The following PPP2R5E variants were observed in gnomAD, a reference collection of about 807,000 sequenced individuals.
PPP2R5E encodes the protein protein phosphatase 2 regulatory subunit B'epsilon.
In PPP2R5E, 4 loss-of-function variants were observed where a neutral mutation model predicts 65.3. The observed-to-expected ratio is 0.06, with a 90% CI of 0.03 to 0.14. The LOEUF (loss-of-function observed/expected upper bound fraction) is 0.14, where lower values mean the gene tolerates loss of function less well. Ranked by LOEUF, PPP2R5E falls within the 10% of genes least tolerant of loss-of-function variation. The probability of loss-of-function intolerance (pLI) is 1.00; values close to 1 mark genes in which losing one functional copy is unlikely to be tolerated. For synonymous variants in PPP2R5E, 183 were observed against 187.4 expected, an observed-to-expected ratio of 0.98 and a Z score of 0.19; for missense variants, 274 against 556.1, an observed-to-expected ratio of 0.49 and a Z score of 5.10.
intron 3 of PPP2R5E, among the ~76,000 whole-genome samples, chr14:63,432,771 T>C (rs1887744812): frequency 6.6e-6 from 1 of 152,026 alleles, no homozygotes. Flanking sequence ...ACTAGTATAA[T>C]CAAGTTAATA....
At position 63,395,233 on chromosome 14, in the gene PPP2R5E, A is replaced by G. The variant is rs748678007; in HGVS notation, c.733T>C (p.Leu245=). 3.1e-6 allele frequency: 5 copies of G among 1,610,072 alleles called. No individual in the cohort carries two copies. In the Admixed American group the frequency reaches 5.0e-5, roughly 16 times the overall value. Residue 245 remains leucine (L), a synonymous_variant, in exon 7 of 14, where the codon TTA becomes CTA. Transcript: ENST00000337537. ...TAGAAAAACCGTGCTCACCTTCCTA[A>G]TATTTCCAGCAGTTCAGCTACACCA... is the stretch of plus-strand genomic sequence containing the variant. ...FNGVAELLEI[L]GSIINGFALP...
At chr14:63,421,243 T>C (rs1342173172) in intron 4 of PPP2R5E, among the ~76,000 whole-genome samples, 1 of 152,038 alleles carries the variant, frequency 6.6e-6, no homozygotes, top group African/African-American at 2.4e-5. Flanking sequence ...AAGGGTGACT[T>C]TGGGGTTCAA....
At chr14:63,429,669 GTTTT>G (rs1376506202) in intron 3 of PPP2R5E, among the ~76,000 whole-genome samples, 1 of 150,824 alleles carries the variant, frequency 6.6e-6, no homozygotes. Flanking sequence ...TTGTTTGTTT[GTTTT>G]TGTTTTTTGT....
At chr14:63,394,194 G>A (rs1885198899) in intron 7 of PPP2R5E, among the ~76,000 whole-genome samples, 1 of 147,046 alleles carries the variant, frequency 6.8e-6, no homozygotes, top group Admixed American at 7.1e-5. Context: ...CTATTCCTAT[G>A]CCTCAGGCCT....
intron 2 of PPP2R5E, among the ~76,000 whole-genome samples, chr14:63,469,661 T>C (rs1359698971): frequency 2.0e-5 from 3 of 152,138 alleles, no homozygotes; most frequent in Admixed American, 2.0e-4. Context: ...GCCACTGCAC[T>C]CCAGCCTGGG....
intron 5 of PPP2R5E, among the ~76,000 whole-genome samples, chr14:63,400,519 AG>A (rs1292526877): frequency 6.6e-6 from 1 of 152,180 alleles, no homozygotes; most frequent in African/African-American, 2.4e-5. Context: ...CTGCCCATTC[AG>A]CAATACAATA....
chr14:63,522,472 C>T lies in PPP2R5E; in HGVS notation c.157+17057G>A, dbSNP rs565569531. 6.4e-3 allele frequency among the ~76,000 whole-genome samples: 959 copies of T among 150,610 alleles called. 9 individuals are homozygous for T. The highest frequency in any genetic ancestry group is 0.023 in the African/African-American group (925 of 40,818). ...CTGGAAAGTGAGGAGCGTCTCTGCC[C>T]GGCCGCCATCCCATCTAGGAAGTGA... On this transcript the variant is annotated intron_variant, in intron 2 of 13. Coordinates refer to ENST00000337537, the MANE Select transcript of PPP2R5E (RefSeq NM_006246.5).
Position 63,424,184 on chromosome 14 carries a change from G to T in PPP2R5E, c.355-2090C>A, listed in dbSNP as rs918747210. Reference sequence around the variant, plus strand: ...ATATGATGTGAAAGAACTAATTAAGGACAAGACATAGATCTGAGGCCATTA... The same window carrying T: ...ATATGATGTGAAAGAACTAATTAAGTACAAGACATAGATCTGAGGCCATTA... On this transcript the variant is annotated intron_variant, in intron 3 of 13. Transcript: ENST00000337537. Among the ~76,000 whole-genome samples, 3 of 152,188 alleles carry T rather than the reference G, an allele frequency of 2.0e-5. No individual in the cohort carries two copies. The South Asian group carries it at 6.2e-4, about 31-fold the overall frequency.
rs74062903 is a variant in PPP2R5E, at chr14:63,454,836, T to A, written c.158-951A>T. Among the ~76,000 whole-genome samples the A allele has an allele frequency of 2.7e-3, 408 of 152,296 alleles. 1 individual carries two copies. Among genetic ancestry groups the A allele is most frequent in the African/African-American group, 9.4e-3 (392 of 41,554 alleles). On this transcript the variant is annotated intron_variant, in intron 2 of 13. Transcript: ENST00000337537. ...ATAACCAGGGTAGGCTCTACTGCCTTCATCCAAGGTGATTAGCTCATTAAT... is the reference window on the plus strand; with the variant it reads ...ATAACCAGGGTAGGCTCTACTGCCTACATCCAAGGTGATTAGCTCATTAAT...
At chr14:63,484,201 A>G (rs189034664) in intron 2 of PPP2R5E, among the ~76,000 whole-genome samples, 17 of 152,214 alleles carry the variant, frequency 1.1e-4, no homozygotes, top group Admixed American at 8.5e-4. Flanking sequence ...TGTGAAAGGG[A>G]CCGGACCAAG....
At chr14:63,511,595 A>T (rs570753060) in intron 2 of PPP2R5E, among the ~76,000 whole-genome samples, 13 of 152,318 alleles carry the variant, frequency 8.5e-5, no homozygotes, top group African/African-American at 3.1e-4. Context: ...TTATCCCCCA[A>T]ATCGAATGCA....
chr14:63,377,808 T>C (rs140147523), intron 13 of PPP2R5E, among the ~76,000 whole-genome samples: 1 of 152,344 alleles, frequency 6.6e-6, no homozygotes, highest in East Asian at 1.9e-4. Context: ...ATTGCACTTA[T>C]AGGACAATAA....
chr14:63,509,906 C>G (rs536958422), intron 2 of PPP2R5E, among the ~76,000 whole-genome samples: 1 of 152,128 alleles, frequency 6.6e-6, no homozygotes, highest in Non-Finnish European at 1.5e-5. Context: ...TGGGAGCTTG[C>G]AGGAATTTCA....
intron 2 of PPP2R5E, among the ~76,000 whole-genome samples, chr14:63,514,700 G>A (rs1235774378): frequency 6.6e-6 from 1 of 152,124 alleles, no homozygotes; most frequent in Non-Finnish European, 1.5e-5. Context: ...CACTATCCTA[G>A]ACAGCAAGAA....
chr14:63,508,315 T>G (rs1892308986), intron 2 of PPP2R5E: 2 of 637,640 alleles, frequency 3.1e-6, no homozygotes, highest in Non-Finnish European at 3.9e-6. Context: ...CACTCTTTGT[T>G]CTGTCACTCT....
In PPP2R5E at chr14:63,379,751, G is replaced by T. The variant is rs76505618; in HGVS notation, c.1304+2305C>A. Among the ~76,000 whole-genome samples, 1,000 of 144,586 alleles carry T rather than the reference G, an allele frequency of 6.9e-3. 8 individuals carry two copies. The highest frequency in any genetic ancestry group is 0.024 in the African/African-American group (926 of 39,398). 94.9% of individuals were successfully genotyped at this position (144,586 alleles called of 152,430 possible). ...TAGTTTAGATAATAACCAGAAAATA[G>T]TTTTATTATTGAAGTTCACTAAATA... On this transcript the variant is annotated intron_variant, in intron 13 of 13. Transcript: ENST00000337537.
At chr14:63,422,339 C>T (rs1256537047) in intron 3 of PPP2R5E, among the ~76,000 whole-genome samples, 1 of 152,186 alleles carries the variant, frequency 6.6e-6, no homozygotes, top group Non-Finnish European at 1.5e-5. Context: ...CCCTTCCCTC[C>T]CTAGGTCCCC....
chr14:63,508,529 T>A (rs780486584), intron 2 of PPP2R5E, among the ~76,000 whole-genome samples: 17 of 152,204 alleles, frequency 1.1e-4, no homozygotes, highest in Non-Finnish European at 2.2e-4. Flanking sequence ...CTTACAACTC[T>A]AAGGTATGAG....
intron 10 of PPP2R5E, among the ~76,000 whole-genome samples, chr14:63,390,142 G>A (rs1884928003): frequency 6.6e-6 from 1 of 151,938 alleles, no homozygotes. Flanking sequence ...GTTCAAATGT[G>A]GTTATTTGCC....
Sources: gnomAD v4.1 joint callset for allele counts (sites outside exome capture counted in the v4.1 genomes callset) on GRCh38, gnomAD v4.1.1 for gene constraint, MANE v1.5 for transcripts, NCBI Gene and HGNC (gene_info 2026-07-23, HGNC 2026-07-21) for gene names.